Variants in NCK1 observed in about 807,000 individuals in gnomAD.
The protein encoded by NCK1 is SH2/SH3 adapter protein NCK1.
Under a neutral mutation model 36.6 loss-of-function variants are expected in NCK1, and 19 were observed. That is an observed-to-expected ratio of 0.52 (90% CI 0.36 to 0.76). The LOEUF (loss-of-function observed/expected upper bound fraction) is 0.76, where lower values mean the gene tolerates loss of function less well. NCK1 is among the 30% of genes least tolerant of loss of function. The probability of loss-of-function intolerance (pLI) is 0.00; values close to 1 mark genes in which losing one functional copy is unlikely to be tolerated. For missense variants in NCK1, 358 were observed against 445.6 expected (o/e 0.80, Z 1.77); for synonymous variants, 165 against 156.0 (o/e 1.06, Z -0.43).
intron 2 of NCK1, among the ~76,000 whole-genome samples, chr3:136,943,687 C>T (rs17301365): frequency 0.074 from 11,203 of 152,190 alleles, 440 homozygotes; most frequent in Non-Finnish European, 0.095. Context: ...TACTGCTAAG[C>T]GTTGGAGACA....
At chr3:136,925,476 A>G (rs1338419938) in intron 1 of NCK1, among the ~76,000 whole-genome samples, 1 of 152,176 alleles carries the variant, frequency 6.6e-6, no homozygotes, top group Non-Finnish European at 1.5e-5. Context: ...TAATATTACA[A>G]AATTTCTTCA....
At chr3:136,870,619 C>T (rs1938585726) in intron 1 of NCK1, among the ~76,000 whole-genome samples, 1 of 151,326 alleles carries the variant, frequency 6.6e-6, no homozygotes, top group Non-Finnish European at 1.5e-5. Context: ...CCCCTGTCTC[C>T]CAGTAATTCT....
chr3:136,888,446 A>G (rs1265473652), intron 1 of NCK1, among the ~76,000 whole-genome samples: 1 of 151,420 alleles, frequency 6.6e-6, no homozygotes, highest in African/African-American at 2.4e-5. Context: ...CTGTGTCACC[A>G]GGGTGGAGTG....
In NCK1 at chr3:136,945,800, C is replaced by T. The variant is rs1560056586; in HGVS notation, c.444C>T (p.Tyr148=). Residue 148 remains tyrosine (Y), a synonymous_variant, in exon 3 of 4, where the codon TAC becomes TAT. Transcript: ENST00000481752. ...GTGATGGGTGGTGGCGTGGTAGCTA[C>T]AATGGACAAGTTGGATGGTTCCCTT... ...KCSDGWWRGS[Y]NGQVGWFPSN... 2 of 1,614,084 alleles carry T rather than the reference C, an allele frequency of 1.2e-6. No individual in the cohort carries two copies. Among genetic ancestry groups the T allele is most frequent in the Non-Finnish European group, 1.7e-6 (2 of 1,180,010 alleles).
chr3:136,898,667 C>G (rs1192807321), intron 1 of NCK1, among the ~76,000 whole-genome samples: 1 of 152,076 alleles, frequency 6.6e-6, no homozygotes, highest in Non-Finnish European at 1.5e-5. Flanking sequence ...TATAAGATTT[C>G]AGAAATGTCT....
At chr3:136,948,216 C>A in intron 3 of NCK1, 43 bp from the exon 4 acceptor site, 1 of 1,446,604 alleles carries the variant, frequency 6.9e-7, no homozygotes, top group Non-Finnish European at 9.3e-7. Context: ...TGATAGAGGG[C>A]TTTCAAAATG....
chr3:136,899,526 G>T, intron 1 of NCK1: 1 of 463,186 alleles, frequency 2.2e-6, no homozygotes, highest in Non-Finnish European at 4.1e-6. Context: ...ATCTTCACCA[G>T]TTGCCAAGTC....
intron 1 of NCK1, among the ~76,000 whole-genome samples, chr3:136,870,310 C>A (rs901463021): frequency 6.6e-6 from 1 of 150,546 alleles, no homozygotes; most frequent in Non-Finnish European, 1.5e-5. Flanking sequence ...CCACTGCACT[C>A]CAGCCTGGGT....
intron 1 of NCK1, among the ~76,000 whole-genome samples, chr3:136,896,462 A>G (rs541693504): frequency 5.4e-4 from 83 of 152,336 alleles, no homozygotes; most frequent in African/African-American, 1.8e-3. Flanking sequence ...TGCAAATGAC[A>G]TGATTTCATT....
chr3:136,928,914 A>G (rs1474834561), intron 2 of NCK1, among the ~76,000 whole-genome samples: 1 of 151,884 alleles, frequency 6.6e-6, no homozygotes, highest in Non-Finnish European at 1.5e-5. Flanking sequence ...ACAGGAAGGA[A>G]TTGGGAGGGA....
At chr3:136,862,936 G>A (rs1175730954) in intron 1 of NCK1, among the ~76,000 whole-genome samples, 3 of 149,634 alleles carry the variant, frequency 2.0e-5, no homozygotes, top group Admixed American at 6.9e-5. Flanking sequence ...ATTCGTACGC[G>A]AGTTGCTGGG....
intron 2 of NCK1, among the ~76,000 whole-genome samples, chr3:136,935,593 G>T (rs538461313): frequency 6.6e-6 from 1 of 152,120 alleles, no homozygotes; most frequent in Non-Finnish European, 1.5e-5. Flanking sequence ...GTGGGGTCAC[G>T]AAACCTCTGG....
At chr3:136,928,314 CA>C (rs1343322462) in intron 2 of NCK1, 87 bp downstream of exon 2, 23 of 1,300,192 alleles carry the variant, frequency 1.8e-5, no homozygotes, top group Non-Finnish European at 2.2e-5. Flanking sequence ...CAGCAGTGTG[CA>C]TAATTGACTT....
chr3:136,943,792 A>G (rs1433702814), intron 2 of NCK1, among the ~76,000 whole-genome samples: 1 of 152,220 alleles, frequency 6.6e-6, no homozygotes, highest in Non-Finnish European at 1.5e-5. Context: ...TTATAATAAC[A>G]AGGTTAGAGG....
At chr3:136,919,233 G>C (rs1290375017) in intron 1 of NCK1, among the ~76,000 whole-genome samples, 1 of 152,100 alleles carries the variant, frequency 6.6e-6, no homozygotes, top group African/African-American at 2.4e-5. Context: ...TTTTCTTGAG[G>C]GGGAGTGATA....
intron 1 of NCK1, among the ~76,000 whole-genome samples, chr3:136,904,102 C>A (rs1477414784): frequency 1.3e-5 from 2 of 151,992 alleles, no homozygotes; most frequent in Admixed American, 1.3e-4. Context: ...TGAAGGATAA[C>A]TTTGCTGGGT....
intron 2 of NCK1, among the ~76,000 whole-genome samples, chr3:136,931,631 TATCA>T (rs1212216280): frequency 1.3e-5 from 2 of 152,182 alleles, no homozygotes; most frequent in Non-Finnish European, 2.9e-5. Context: ...TTCATTTGTT[TATCA>T]ACACATTCTT....
At chr3:136,885,442 C>CTA (rs1939052393) in intron 1 of NCK1, among the ~76,000 whole-genome samples, 1 of 152,104 alleles carries the variant, frequency 6.6e-6, no homozygotes, top group South Asian at 2.1e-4. Context: ...GTAGCTGGAA[C>CTA]TATAGGTGCA....
At chr3:136,937,036 C>T (rs1022312001) in intron 2 of NCK1, among the ~76,000 whole-genome samples, 3 of 152,124 alleles carry the variant, frequency 2.0e-5, no homozygotes, top group Non-Finnish European at 2.9e-5. Flanking sequence ...ATCTAAGAAT[C>T]CATTGCTAAA....
Sources: allele counts gnomAD v4.1 joint callset (sites outside exome capture counted in the v4.1 genomes callset), GRCh38; gene constraint gnomAD v4.1.1; transcripts MANE v1.5; gene names NCBI Gene and HGNC (gene_info 2026-07-23, HGNC 2026-07-21).